The following PPHLN1 variants were observed in gnomAD, a reference collection of about 807,000 sequenced individuals.
The protein encoded by PPHLN1 is periphilin-1.
PPHLN1 carries 29 observed loss-of-function variants against 51.3 expected under a neutral mutation model. The observed-to-expected ratio is 0.57, with a 90% CI of 0.42 to 0.77. PPHLN1 has a LOEUF of 0.77. Ranked by LOEUF, PPHLN1 falls within the 30% of genes least tolerant of loss-of-function variation. The pLI is 0.00. For missense variants in PPHLN1, 436 were observed against 438.4 expected (o/e 0.99, Z 0.05); for synonymous variants, 147 against 147.8 (o/e 0.99, Z 0.04).
At chr12:42,432,334 T>G in intron 9 of PPHLN1, 2 of 741,216 alleles carry the variant, frequency 2.7e-6, no homozygotes, top group South Asian at 3.0e-5. Context: ...TCTGTAGGCA[T>G]TCCATTCTTA....
intron 8 of PPHLN1, 154 bp from the exon 9 acceptor site, chr12:42,398,700 C>T (rs887102041): frequency 3.0e-5 from 17 of 568,614 alleles, no homozygotes; most frequent in Non-Finnish European, 4.6e-5. Context: ...CACATATGCT[C>T]ATTATGCATA....
At chr12:42,440,184 A>G (rs932156061) in intron 9 of PPHLN1, among the ~76,000 whole-genome samples, 1 of 151,410 alleles carries the variant, frequency 6.6e-6, no homozygotes, top group African/African-American at 2.4e-5. Context: ...TTTTCCTCAT[A>G]TAAATCTTGT....
chr12:42,374,164 T>C (rs1420121194), intron 4 of PPHLN1, among the ~76,000 whole-genome samples: 1 of 152,208 alleles, frequency 6.6e-6, no homozygotes, highest in Non-Finnish European at 1.5e-5. Flanking sequence ...AATGTCTTAC[T>C]TGGGAAATCT....
At chr12:42,364,091 G>C (rs1450545528) in intron 4 of PPHLN1, among the ~76,000 whole-genome samples, 1 of 151,996 alleles carries the variant, frequency 6.6e-6, no homozygotes, top group South Asian at 2.1e-4. Flanking sequence ...AGGCATGGTG[G>C]CACGTGCCTG....
In PPHLN1 at chr12:42,355,227, A is replaced by G. The variant is rs1334926903; in HGVS notation, c.299+5A>G. 6.2e-7 allele frequency: 1 copy of G among 1,610,904 alleles called. No individual in the cohort carries two copies. The highest frequency in any genetic ancestry group is 1.7e-5 in the Admixed American group (1 of 60,012). On this transcript the variant is annotated splice_donor_5th_base_variant and intron_variant, in intron 4 of 9. Transcript: ENST00000358314. ...AAGCAGGCAACCTGAATACAGGTAAAAGGATAAAAATAATAGCATAAGTAC... is the reference window on the plus strand; with the variant it reads ...AAGCAGGCAACCTGAATACAGGTAAGAGGATAAAAATAATAGCATAAGTAC...
intron 9 of PPHLN1, among the ~76,000 whole-genome samples, chr12:42,435,523 C>T (rs1411081327): frequency 6.6e-6 from 1 of 152,158 alleles, no homozygotes; most frequent in African/African-American, 2.4e-5. Flanking sequence ...TTCTGCATTA[C>T]TATAGACCAA....
At chr12:42,347,797 A>G (rs1462998249) in intron 2 of PPHLN1, among the ~76,000 whole-genome samples, 2 of 152,188 alleles carry the variant, frequency 1.3e-5, no homozygotes, top group Admixed American at 1.3e-4. Flanking sequence ...TTGAAAGGGA[A>G]ATTCTGAATT....
In PPHLN1 at chr12:42,421,293, A is replaced by T. The variant is rs113361059; in HGVS notation, c.910-20022A>T. 4.5e-3 allele frequency among the ~76,000 whole-genome samples: 688 copies of T among 152,242 alleles called. 1 individual carries two copies. The highest frequency in any genetic ancestry group is 0.016 in the African/African-American group (666 of 41,546). ...ATACATTTCTTAAATATTTAGAGTA[A>T]CCTGGAAAAATTGATCCAGAAAGAC... On this transcript the variant is annotated intron_variant, in intron 9 of 9. Coordinates refer to ENST00000358314, the MANE Select transcript of PPHLN1 (RefSeq NM_201439.2).
At chr12:42,379,013 G>T (rs888646087) in intron 5 of PPHLN1, among the ~76,000 whole-genome samples, 2 of 151,282 alleles carry the variant, frequency 1.3e-5, no homozygotes, top group Admixed American at 6.6e-5. Context: ...AGGTAAAATT[G>T]TTTTTTTTAT....
chr12:42,383,732 G>A (rs2076948020), intron 5 of PPHLN1, among the ~76,000 whole-genome samples: 1 of 152,118 alleles, frequency 6.6e-6, no homozygotes, highest in African/African-American at 2.4e-5. Flanking sequence ...TGTAATCCCA[G>A]CACTTTGGGA....
At chr12:42,369,939 C>G (rs1300886163) in intron 4 of PPHLN1, among the ~76,000 whole-genome samples, 3 of 152,186 alleles carry the variant, frequency 2.0e-5, no homozygotes, top group South Asian at 2.1e-4. Flanking sequence ...CAATCTGCCT[C>G]TGTATCGTGA....
chr12:42,446,061 T>TGCAGGCCCCGCAGCCCCC, downstream of PPHLN1: 14 of 1,549,552 alleles, frequency 9.0e-6, no homozygotes, highest in East Asian at 7.3e-5. Context: ...GAAACGACCC[T>TGCAGGCCCCGCAGCCCCC]GCAGGCCCCG....
chr12:42,395,026 T>C (rs1304711516), intron 8 of PPHLN1, among the ~76,000 whole-genome samples: 1 of 152,104 alleles, frequency 6.6e-6, no homozygotes, highest in East Asian at 1.9e-4. Flanking sequence ...CCTTCTCCCA[T>C]CATTTTTTAT....
intron 7 of PPHLN1, among the ~76,000 whole-genome samples, chr12:42,393,018 A>G (rs1311580167): frequency 6.6e-6 from 1 of 152,242 alleles, no homozygotes; most frequent in Non-Finnish European, 1.5e-5. Flanking sequence ...ATATAACTGC[A>G]AAGTCCATAC....
At chr12:42,347,018 T>C (rs1007583405) in intron 2 of PPHLN1, 3 of 152,276 alleles carry the variant, frequency 2.0e-5, no homozygotes, top group Non-Finnish European at 4.4e-5. Context: ...CCCAAGTATC[T>C]GCGATTACAG....
chr12:42,444,388 C>G (rs939035932), downstream of PPHLN1: 7 of 149,494 alleles, frequency 4.7e-5, no homozygotes, highest in African/African-American at 1.7e-4. Flanking sequence ...ACCCCCACAG[C>G]AAAAAGAGAA....
At chr12:42,407,688 T>TTGCATATAAC (rs1344792769) in intron 9 of PPHLN1, among the ~76,000 whole-genome samples, 1 of 152,226 alleles carries the variant, frequency 6.6e-6, no homozygotes, top group African/African-American at 2.4e-5. Context: ...GGCCTTGTAT[T>TTGCATATAAC]TGCATATAAC....
intron 2 of PPHLN1, among the ~76,000 whole-genome samples, chr12:42,342,030 A>G (rs2071587331): frequency 6.6e-6 from 1 of 152,210 alleles, no homozygotes; most frequent in Non-Finnish European, 1.5e-5. Flanking sequence ...TAAAGTTCAA[A>G]GAAGTGCACT....
chr12:42,364,614 ACT>A (rs1422333649), intron 4 of PPHLN1, among the ~76,000 whole-genome samples: 2 of 151,960 alleles, frequency 1.3e-5, no homozygotes, highest in Non-Finnish European at 2.9e-5. Context: ...ACAGAGTGAG[ACT>A]CTGTCTCAAA....
Sources: allele counts gnomAD v4.1 joint callset (sites outside exome capture counted in the v4.1 genomes callset), GRCh38; gene constraint gnomAD v4.1.1; transcripts MANE v1.5; gene names NCBI Gene and HGNC (gene_info 2026-07-23, HGNC 2026-07-21).